RECK: variants seen among roughly 807,000 people sequenced by gnomAD.
RECK encodes the protein reversion inducing cysteine rich protein with kazal motifs.
A neutral mutation model predicts 115.1 loss-of-function variants in RECK; 69 were observed. The observed-to-expected ratio is 0.60, with a 90% confidence interval of 0.49 to 0.73. The LOEUF is 0.73. Among genes scored for constraint, RECK ranks in the 30% least tolerant of loss-of-function variants. The pLI is 0.00. For missense variants in RECK, 1,047 were observed against 1,203.7 expected (o/e 0.87, Z 1.93); for synonymous variants, 414 against 419.7 (o/e 0.99, Z 0.17).
At chr9:36,083,269 A>G (rs150477351) in intron 7 of RECK, 96 bp from the exon 8 acceptor site, 190 of 1,311,506 alleles carry the variant, frequency 1.4e-4, no homozygotes, top group Non-Finnish European at 2.0e-4. Flanking sequence ...TTATTTCTCA[A>G]ATTTAGAAAG....
At chr9:36,073,205 T>G (rs1270818540) in intron 6 of RECK, among the ~76,000 whole-genome samples, 1 of 136,200 alleles carries the variant, frequency 7.3e-6, no homozygotes, top group Non-Finnish European at 1.5e-5. Flanking sequence ...CTTCCACCCC[T>G]AAACAGCAAC....
At chr9:36,041,842 T>C (rs1439337173) in intron 1 of RECK, among the ~76,000 whole-genome samples, 1 of 151,250 alleles carries the variant, frequency 6.6e-6, no homozygotes, top group Non-Finnish European at 1.5e-5. Context: ...TCAGCTCTTC[T>C]TGACCTTATA....
Position 36,122,853 on chromosome 9 carries a change from G to T in RECK, c.2724G>T (p.Lys908Asn). 3 of 1,614,174 alleles carry T rather than the reference G, an allele frequency of 1.9e-6. No homozygotes were observed. The highest frequency in any genetic ancestry group is 2.5e-6 in the Non-Finnish European group (3 of 1,180,016). Residue 908 changes from lysine (K) to asparagine (N), a missense_variant, in exon 21 of 21, where the codon AAG becomes AAT. Physicochemically the swap from Lys to Asn is moderately conservative, Grantham distance 94. Coordinates refer to ENST00000377966, the MANE Select transcript of RECK (RefSeq NM_021111.3). ...QIEACNKEAE[K>N]IESLINSDSP... ...AAGCCTGCAATAAAGAAGCAGAGAAGATTGAGTCCCTTATCAACTCTGACA... is the reference window on the plus strand; with the variant it reads ...AAGCCTGCAATAAAGAAGCAGAGAATATTGAGTCCCTTATCAACTCTGACA...
intron 16 of RECK, among the ~76,000 whole-genome samples, chr9:36,115,472 G>A (rs145131494): frequency 5.7e-4 from 87 of 152,028 alleles, no homozygotes; most frequent in Middle Eastern, 3.4e-3. Context: ...TTTGCCCCCA[G>A]ATTCTCAACC....
chr9:36,089,714 T>A (rs945596811), intron 9 of RECK, among the ~76,000 whole-genome samples: 2 of 152,170 alleles, frequency 1.3e-5, no homozygotes, highest in South Asian at 2.1e-4. Flanking sequence ...CATAAATGAA[T>A]GTCGTGTTTA....
chr9:36,078,945 G>C (rs1822563834), intron 6 of RECK, among the ~76,000 whole-genome samples: 1 of 152,008 alleles, frequency 6.6e-6, no homozygotes, highest in African/African-American at 2.4e-5. Flanking sequence ...TCCCAGGCTG[G>C]AGTGTAGTGG....
chr9:36,110,729 C>A (rs1004784461), intron 15 of RECK, among the ~76,000 whole-genome samples: 1 of 152,048 alleles, frequency 6.6e-6, no homozygotes, highest in African/African-American at 2.4e-5. Flanking sequence ...GCTGCCCTTG[C>A]CCCCATTTCA....
intron 8 of RECK, among the ~76,000 whole-genome samples, chr9:36,083,825 G>C (rs1439472263): frequency 6.6e-6 from 1 of 152,146 alleles, no homozygotes; most frequent in Non-Finnish European, 1.5e-5. Context: ...TTAGAGGGAA[G>C]TTGGGTAATG....
intron 7 of RECK, among the ~76,000 whole-genome samples, chr9:36,082,620 T>C (rs1822770065): frequency 6.6e-6 from 1 of 152,194 alleles, no homozygotes. Flanking sequence ...ATACCTTAAA[T>C]GACAGCCCAT....
chr9:36,109,944 C>A lies in RECK; in HGVS notation c.1766-13C>A. On this transcript the variant is annotated splice_polypyrimidine_tract_variant and intron_variant, in intron 14 of 20. Coordinates refer to ENST00000377966, the MANE Select transcript of RECK (RefSeq NM_021111.3). ...CATGATATAGATCAACATTTTCTTT[C>A]TGTTTCTGTCAGGTCATGGAACATC... The A allele has an allele frequency of 6.3e-7, 1 of 1,597,126 alleles. No individual in the cohort carries two copies. The highest frequency in any genetic ancestry group is 1.3e-5 in the African/African-American group (1 of 74,742).
chr9:36,050,115 C>G (rs1286289948), intron 1 of RECK, among the ~76,000 whole-genome samples: 1 of 152,178 alleles, frequency 6.6e-6, no homozygotes, highest in East Asian at 1.9e-4. Context: ...ATATCATCTA[C>G]ATAGTGTGTC....
At chr9:36,038,825 CAAG>C (rs1820765963) in intron 1 of RECK, among the ~76,000 whole-genome samples, 1 of 148,824 alleles carries the variant, frequency 6.7e-6, no homozygotes, top group Non-Finnish European at 1.5e-5. Flanking sequence ...AAAAAAAAAA[CAAG>C]AAACTTTTTT....
intron 15 of RECK, among the ~76,000 whole-genome samples, chr9:36,111,540 A>T (rs574022586): frequency 2.0e-5 from 3 of 152,254 alleles, no homozygotes; most frequent in East Asian, 3.9e-4. Context: ...AACGACAGGC[A>T]TGCGCCACCA....
intron 6 of RECK, among the ~76,000 whole-genome samples, chr9:36,073,721 C>T (rs781078503): frequency 6.6e-6 from 1 of 152,182 alleles, no homozygotes; most frequent in African/African-American, 2.4e-5. Context: ...AGTCTAGCTC[C>T]TGGTTCTTCT....
intron 16 of RECK, among the ~76,000 whole-genome samples, chr9:36,115,188 G>T (rs10972731): frequency 1.3e-5 from 2 of 151,470 alleles, no homozygotes; most frequent in African/African-American, 4.9e-5. Flanking sequence ...GGTGGCACAC[G>T]CCTGTAATTC....
chr9:36,060,787 ACT>A (rs1016257815), intron 4 of RECK, among the ~76,000 whole-genome samples: 5 of 151,918 alleles, frequency 3.3e-5, no homozygotes, highest in African/African-American at 1.2e-4. Context: ...TGAGAAGGTG[ACT>A]CTCAAATCTA....
At chr9:36,093,406 A>AT (rs200143593) in intron 10 of RECK, among the ~76,000 whole-genome samples, 3,813 of 152,300 alleles carry the variant, frequency 0.025, 171 homozygotes, top group African/African-American at 0.085. Flanking sequence ...AAAGAATCTA[A>AT]TTATGATAAA....
Position 36,089,336 on chromosome 9 carries a change from A to T in RECK, c.905+1375A>T, listed in dbSNP as rs532266860. On this transcript the variant is annotated intron_variant, in intron 9 of 20. Transcript: ENST00000377966. ...GCTTTTCCTTCTCTCTAACCTTGAT[A>T]CAGGGTTTTATGGTTTGCTGAAGGC... 5.9e-5 allele frequency among the ~76,000 whole-genome samples: 9 copies of T among 152,318 alleles called. No homozygotes were observed. The South Asian group carries it at 1.7e-3, about 28-fold the overall frequency.
In RECK at chr9:36,109,922, G is replaced by A. The variant is rs763895301; in HGVS notation, c.1766-35G>A. The A allele has an allele frequency of 7.2e-5, 113 of 1,568,056 alleles. No individual in the cohort carries two copies. The East Asian group carries it at 2.5e-3, about 35-fold the overall frequency. On this transcript the variant is annotated intron_variant, in intron 14 of 20. Coordinates refer to ENST00000377966, the MANE Select transcript of RECK (RefSeq NM_021111.3). Reference sequence around the variant, plus strand: ...ATACGTGCTCTATTTCTCAATGCATGATATAGATCAACATTTTCTTTCTGT... The same window carrying A: ...ATACGTGCTCTATTTCTCAATGCATAATATAGATCAACATTTTCTTTCTGT...
Sources: gnomAD v4.1 joint callset for allele counts (sites outside exome capture counted in the v4.1 genomes callset) on GRCh38, gnomAD v4.1.1 for gene constraint, MANE v1.5 for transcripts, NCBI Gene and HGNC (gene_info 2026-07-23, HGNC 2026-07-21) for gene names.